Variants in ZNF385D observed in about 807,000 individuals in gnomAD.
ZNF385D encodes zinc finger protein 659.
In ZNF385D, 15 loss-of-function variants were observed where a neutral mutation model predicts 35.8. The ratio of observed to expected loss-of-function variants is 0.42; its 90% CI spans 0.28 to 0.64. ZNF385D has a LOEUF of 0.64. Ranked by LOEUF, ZNF385D falls within the 30% of genes least tolerant of loss-of-function variation. ZNF385D has a pLI of 0.23. For synonymous variants in ZNF385D, 212 were observed against 186.8 expected (o/e 1.13, Z -1.10); for missense variants, 474 against 494.6 (o/e 0.96, Z 0.39).
intron 3 of ZNF385D, among the ~76,000 whole-genome samples, chr3:22,117,010 G>C (rs1702846110): frequency 6.6e-6 from 1 of 151,972 alleles, no homozygotes. Context: ...GCTTAGGAAA[G>C]TTAAATAAAT....
intron 2 of ZNF385D, among the ~76,000 whole-genome samples, chr3:22,314,028 T>G (rs146901296): frequency 6.6e-6 from 1 of 152,180 alleles, no homozygotes; most frequent in Admixed American, 6.6e-5. Context: ...GCAGTGCTTC[T>G]CACTCTGAGT....
At chr3:21,511,116 C>T (rs1268505701) in intron 3 of ZNF385D, 93 bp from the exon 4 acceptor site, 53 of 1,494,878 alleles carry the variant, frequency 3.5e-5, no homozygotes, top group Non-Finnish European at 4.7e-5. Flanking sequence ...CTTTCAATAA[C>T]AGGTACCATT....
At chr3:21,667,059 A>G (rs1435598641) in intron 1 of ZNF385D, among the ~76,000 whole-genome samples, 2 of 152,242 alleles carry the variant, frequency 1.3e-5, no homozygotes, top group African/African-American at 2.4e-5. Flanking sequence ...CCTGGGCGAC[A>G]GAGCAAGACT....
intron 7 of ZNF385D, among the ~76,000 whole-genome samples, chr3:21,423,111 C>T (rs1335823926): frequency 3.3e-5 from 5 of 151,910 alleles, no homozygotes; most frequent in Non-Finnish European, 5.9e-5. Flanking sequence ...CCAAAAGATC[C>T]TTAAGCTCAT....
chr3:22,339,540 C>T (rs1695327526), intron 2 of ZNF385D, among the ~76,000 whole-genome samples: 2 of 152,156 alleles, frequency 1.3e-5, no homozygotes, highest in Admixed American at 1.3e-4. Context: ...CCCTCAACAG[C>T]TCCAATAAAT....
chr3:22,180,804 C>T (rs1429822117), intron 2 of ZNF385D, among the ~76,000 whole-genome samples: 2 of 151,912 alleles, frequency 1.3e-5, no homozygotes, highest in African/African-American at 4.8e-5. Flanking sequence ...TCAGAGCTAT[C>T]TACGACAAAC....
chr3:22,261,417 T>TA (rs1240513381), intron 2 of ZNF385D, among the ~76,000 whole-genome samples: 1 of 151,976 alleles, frequency 6.6e-6, no homozygotes, highest in African/African-American at 2.4e-5. Flanking sequence ...GGCTAGTAAA[T>TA]AATCATTAAA....
At chr3:21,883,863 C>A (rs370588520) in intron 3 of ZNF385D, among the ~76,000 whole-genome samples, 9 of 152,022 alleles carry the variant, frequency 5.9e-5, no homozygotes, top group Non-Finnish European at 1.2e-4. Context: ...TCAGAACAAT[C>A]GGTCTGAGAC....
intron 3 of ZNF385D, among the ~76,000 whole-genome samples, chr3:21,793,582 C>T (rs145039571): frequency 6.6e-6 from 1 of 152,210 alleles, no homozygotes; most frequent in Non-Finnish European, 1.5e-5. Flanking sequence ...CAAACCACTT[C>T]CTAAGGCTGA....
intron 3 of ZNF385D, among the ~76,000 whole-genome samples, chr3:22,137,257 T>G (rs1182906451): frequency 6.6e-6 from 1 of 152,162 alleles, no homozygotes; most frequent in Non-Finnish European, 1.5e-5. Context: ...GAGGAGCTGG[T>G]ACCATTCATT....
chr3:22,344,385 G>A (rs533575881), intron 2 of ZNF385D, among the ~76,000 whole-genome samples: 67 of 151,838 alleles, frequency 4.4e-4, no homozygotes, highest in African/African-American at 1.6e-3. Context: ...GTATTTTATT[G>A]TTGCTGTTGT....
At chr3:21,688,956 T>C (rs773792816) in intron 1 of ZNF385D, among the ~76,000 whole-genome samples, 11 of 152,046 alleles carry the variant, frequency 7.2e-5, no homozygotes, top group Non-Finnish European at 1.3e-4. Context: ...ACCAAGAAGA[T>C]TGCCGTCTAG....
chr3:21,504,919 A>G (rs1706659368), intron 4 of ZNF385D, among the ~76,000 whole-genome samples: 1 of 152,154 alleles, frequency 6.6e-6, no homozygotes, highest in Admixed American at 6.5e-5. Context: ...ATGGTTGTCA[A>G]GACACAGGTG....
chr3:22,284,770 A>G (rs1029064518), intron 2 of ZNF385D, among the ~76,000 whole-genome samples: 1 of 152,148 alleles, frequency 6.6e-6, no homozygotes, highest in Non-Finnish European at 1.5e-5. Context: ...ATAAGATAAA[A>G]TTTACAATCA....
intron 2 of ZNF385D, among the ~76,000 whole-genome samples, chr3:22,350,557 CAATT>C (rs545623647): frequency 3.1e-4 from 47 of 152,032 alleles, no homozygotes; most frequent in Non-Finnish European, 4.4e-4. Flanking sequence ...ATTCTTAATT[CAATT>C]AATATTTGTT....
At chr3:22,326,053 G>C (rs578112861) in intron 2 of ZNF385D, among the ~76,000 whole-genome samples, 1 of 151,992 alleles carries the variant, frequency 6.6e-6, no homozygotes, top group Admixed American at 6.6e-5. Flanking sequence ...TCCAATTCCC[G>C]AATGTTTTCC....
At chr3:21,757,241 C>T (rs1054110687) in intron 3 of ZNF385D, among the ~76,000 whole-genome samples, 1 of 150,240 alleles carries the variant, frequency 6.7e-6, no homozygotes, top group Non-Finnish European at 1.5e-5. Context: ...AAGCGATTCT[C>T]GTGCCTCAGC....
At chr3:21,759,815 G>A (rs2070519847) in intron 3 of ZNF385D, among the ~76,000 whole-genome samples, 1 of 152,128 alleles carries the variant, frequency 6.6e-6, no homozygotes, top group Non-Finnish European at 1.5e-5. Flanking sequence ...ATGATAAATT[G>A]AGTGCAGCTC....
chr3:22,087,963 G>A (rs1701132684), intron 3 of ZNF385D, among the ~76,000 whole-genome samples: 1 of 152,060 alleles, frequency 6.6e-6, no homozygotes, highest in East Asian at 1.9e-4. Flanking sequence ...TATTTGACTG[G>A]GAAAGGTTTA....
Sources: gnomAD v4.1 joint callset for allele counts (sites outside exome capture counted in the v4.1 genomes callset) on GRCh38, gnomAD v4.1.1 for gene constraint, MANE v1.5 for transcripts, NCBI Gene and HGNC (gene_info 2026-07-23, HGNC 2026-07-21) for gene names.